Variants in OR2G6 observed in about 807,000 individuals in gnomAD.
OR2G6 encodes olfactory receptor 2G6.
For synonymous variants in OR2G6, 183 were observed against 155.2 expected (o/e 1.18, Z -1.33); for missense variants, 457 against 391.3 (o/e 1.17, Z -1.42).
Position 248,522,192 on chromosome 1 carries a change from A to C in OR2G6, c.546A>C (p.Pro182=), listed in dbSNP as rs760006346. 2 of 1,614,146 alleles carry C rather than the reference A, an allele frequency of 1.2e-6. No individual in the cohort carries two copies. The highest frequency in any genetic ancestry group is 1.7e-6 in the Non-Finnish European group (2 of 1,180,022). ...RTLDHIFCEV[P]VLIKLACVDT... is the part of the protein sequence containing the mutation. ...TGGATCATATTTTCTGTGAGGTGCC[A>C]GTGCTCATCAAACTGGCCTGTGTGG... Residue 182 remains proline, a synonymous_variant, in exon 2 of 2, where the codon CCA becomes CCC. Transcript: ENST00000641804.
Position 248,526,211 on chromosome 1 carries a change from A to G in OR2G6, c.*3614A>G, listed in dbSNP as rs1310900338. 1 of 152,208 alleles carries G rather than the reference A, an allele frequency of 6.6e-6. No homozygotes were observed. The highest frequency in any genetic ancestry group is 2.4e-5 in the African/African-American group (1 of 41,450). The allele number at this position is 152,208 out of a possible 1,614,324, so 9.4% of individuals were successfully genotyped here. A position where few individuals can be genotyped will look rare whatever the true frequency, so the allele number is the denominator to read the frequency against. ...ATCACATTACTAGACTTCAAAATAT[A>G]CTACCAAGTTATAGTTACCAAAACA... On this transcript the variant is annotated 3_prime_UTR_variant, in exon 2 of 2. Transcript: ENST00000641804.
rs1183928597 is a variant in OR2G6 at position 248,525,053 on chromosome 1, ATAC to A, written c.*2459_*2461del. 6.6e-6 allele frequency: 1 copy of A among 151,516 alleles called. No individual in the cohort carries two copies. Among genetic ancestry groups the A allele is most frequent in the East Asian group, 1.9e-4 (1 of 5,202 alleles). The allele number at this position is 151,516 out of a possible 1,614,324, so 9.4% of individuals were successfully genotyped here. On this transcript the variant is annotated 3_prime_UTR_variant, in exon 2 of 2. Coordinates refer to ENST00000641804, the MANE Select transcript of OR2G6 (RefSeq NM_001013355.2). ...ATAATCATCATACATGTATAATTTC[ATAC>A]TATTTTTATTTATAATGTGAGCATT...
In OR2G6 at chr1:248,525,134, T is replaced by C. The variant is rs1406384489; in HGVS notation, c.*2537T>C. ...CATTTATTAAAAATCTTCCCTATAATTGAATAACATGAGTAGTTTCTCTTT... is the reference window on the plus strand; with the variant it reads ...CATTTATTAAAAATCTTCCCTATAACTGAATAACATGAGTAGTTTCTCTTT... On this transcript the variant is annotated 3_prime_UTR_variant, in exon 2 of 2. Coordinates refer to ENST00000641804, the MANE Select transcript of OR2G6 (RefSeq NM_001013355.2). The C allele has an allele frequency of 6.6e-6, 1 of 152,142 alleles. No individual in the cohort carries two copies. Among genetic ancestry groups the C allele is most frequent in the Admixed American group, 6.5e-5 (1 of 15,274 alleles). 9.4% of individuals were successfully genotyped at this position (152,142 alleles called of 1,614,324 possible). A position where few individuals can be genotyped will look rare whatever the true frequency, so the allele number is the denominator to read the frequency against.
At chr1:248,520,267 C>T (rs181673645) in intron 1 of OR2G6, among the ~76,000 whole-genome samples, 1 of 152,008 alleles carries the variant, frequency 6.6e-6, no homozygotes, top group Admixed American at 6.6e-5. Context: ...CACACCAGGG[C>T]CTGTTGGTGG....
In OR2G6 at chr1:248,522,393, C is replaced by T. The variant is rs940294082; in HGVS notation, c.747C>T (p.Ile249=). 6.2e-7 allele frequency: 1 copy of T among 1,614,192 alleles called. No individual in the cohort carries two copies. Among genetic ancestry groups the T allele is most frequent in the Non-Finnish European group, 8.5e-7 (1 of 1,180,024 alleles). The stretch of plus-strand genomic sequence containing the variant: ...GTTCGTCTCACCTGGTTGTGGTCAT[C>T]ATTTTCTATGGGACCATCATATTCA... ...GTCSSHLVVV[I]IFYGTIIFMY... is the part of the protein sequence containing the mutation. Residue 249 remains isoleucine, a synonymous_variant, in exon 2 of 2, where the codon ATC becomes ATT. Coordinates refer to ENST00000641804, the MANE Select transcript of OR2G6 (RefSeq NM_001013355.2).
rs1178343659 is a variant in OR2G6 at position 248,525,391 on chromosome 1, A to G, written c.*2794A>G. The stretch of plus-strand genomic sequence containing the variant: ...AATTATTTAAAAACTATACAATGAG[A>G]ATGCTGTAATAAGTATATGGTTCCA... On this transcript the variant is annotated 3_prime_UTR_variant, in exon 2 of 2. Transcript: ENST00000641804. 6.6e-6 allele frequency: 1 copy of G among 152,180 alleles called. No homozygotes were observed. Among genetic ancestry groups the G allele is most frequent in the African/African-American group, 2.4e-5 (1 of 41,460 alleles). The allele number at this position is 152,180 out of a possible 1,614,324, so 9.4% of individuals were successfully genotyped here. A position where few individuals can be genotyped will look rare whatever the true frequency, so the allele number is the denominator to read the frequency against.
rs1174847938 is a variant in OR2G6, at chr1:248,522,449, A to G, written c.803A>G (p.Lys268Arg). 1 of 1,614,030 alleles carries G rather than the reference A, an allele frequency of 6.2e-7. No individual in the cohort carries two copies. Among genetic ancestry groups the G allele is most frequent in the East Asian group, 2.2e-5 (1 of 44,890 alleles). ...CTTCAACCGGCCAATAGGAGATCCA[A>G]AAACCAGGGAAAGTTTGTTTCTCTT... ...MYLQPANRRS[K>R]NQGKFVSLFY... The change falls in exon 2 of 2, where the codon AAA becomes AGA. Residue 268 changes from lysine (K) to arginine (R), a missense_variant. Physicochemically the swap from Lys to Arg is conservative, Grantham distance 26. Coordinates refer to ENST00000641804, the MANE Select transcript of OR2G6 (RefSeq NM_001013355.2).
chr1:248,526,668 G>GTAAC lies in OR2G6; in HGVS notation c.*4074_*4077dup, dbSNP rs1176733483. ...TGTTCACCATAACCTGATCTCAGTA[G>GTAAC]TAACTATTTAATGATTGCCATTCTA... is the stretch of plus-strand genomic sequence containing the variant. On this transcript the variant is annotated 3_prime_UTR_variant, in exon 2 of 2. Transcript: ENST00000641804. 1 of 151,932 alleles carries GTAAC rather than the reference G, an allele frequency of 6.6e-6. No homozygotes were observed. The highest frequency in any genetic ancestry group is 2.4e-5 in the African/African-American group (1 of 41,428). 9.4% of individuals were successfully genotyped at this position (151,932 alleles called of 1,614,324 possible). A position where few individuals can be genotyped will look rare whatever the true frequency, so the allele number is the denominator to read the frequency against.
At chr1:248,519,446 A>C (rs919124891) in intron 1 of OR2G6, among the ~76,000 whole-genome samples, 5 of 150,394 alleles carry the variant, frequency 3.3e-5, no homozygotes, top group African/African-American at 4.9e-5. Flanking sequence ...GTTTTCTTCT[A>C]GGGTTTTTAT....
At chr1:248,519,353 A>G (rs1184913064) in intron 1 of OR2G6, among the ~76,000 whole-genome samples, 2 of 146,010 alleles carry the variant, frequency 1.4e-5, no homozygotes, top group African/African-American at 5.1e-5. Flanking sequence ...CCATTTGTCA[A>G]CTTTGGCTTT....
At chr1:248,519,899 G>C (rs1186108566) in intron 1 of OR2G6, among the ~76,000 whole-genome samples, 1 of 152,106 alleles carries the variant, frequency 6.6e-6, no homozygotes, top group Non-Finnish European at 1.5e-5. Flanking sequence ...GGATAGCATT[G>C]AATCTATAAC....
At position 248,521,885 on chromosome 1, in the gene OR2G6, A is replaced by G. The variant is rs781235269; in HGVS notation, c.239A>G (p.Gln80Arg). 5.6e-6 allele frequency: 9 copies of G among 1,614,008 alleles called. No individual in the cohort carries two copies. In the Admixed American group the frequency reaches 8.3e-5, roughly 15 times the overall value. The change falls in exon 2 of 2, where the codon CAG becomes CGG. Residue 80 changes from glutamine (Q) to arginine (R), a missense_variant. Gln to Arg is a conservative substitution (Grantham distance 43, BLOSUM62 1). Coordinates refer to ENST00000641804, the MANE Select transcript of OR2G6 (RefSeq NM_001013355.2). ...TGCTTTACCACCAGTGTTGCCCCAC[A>G]GTTGCTGGTTACCATGAATAAGAAA... ...DICFTTSVAP[Q>R]LLVTMNKKDK...
Position 248,523,168 on chromosome 1 carries a change from GGCAA to G in OR2G6, c.*572_*575del, listed in dbSNP as rs1158128098. On this transcript the variant is annotated 3_prime_UTR_variant, in exon 2 of 2. Transcript: ENST00000641804. ...ATATGTATACATATATCTCTAACTA[GGCAA>G]AGCAATGTATATAACAGACTGAAAA... 3.1e-4 allele frequency: 48 copies of G among 153,094 alleles called. No individual in the cohort carries two copies. Among genetic ancestry groups the G allele is most frequent in the African/African-American group, 1.1e-3 (46 of 41,500 alleles). The allele number at this position is 153,094 out of a possible 1,614,324, so 9.5% of individuals were successfully genotyped here.
Position 248,522,633 on chromosome 1 carries a change from A to C in OR2G6, c.*36A>C. ...GAATTCTAAACAAGGGAAACACCTC[A>C]AGGCAGAGTGAGGGTTCATCCTCCC... On this transcript the variant is annotated 3_prime_UTR_variant, in exon 2 of 2. Coordinates refer to ENST00000641804, the MANE Select transcript of OR2G6 (RefSeq NM_001013355.2). 3.2e-4 allele frequency: 442 copies of C among 1,402,288 alleles called. No homozygotes were observed. The highest frequency in any genetic ancestry group is 3.8e-4 in the Non-Finnish European group (392 of 1,022,920). The allele number at this position is 1,402,288 out of a possible 1,614,324, so 86.9% of individuals were successfully genotyped here. A position where few individuals can be genotyped will look rare whatever the true frequency, so the allele number is the denominator to read the frequency against.
At chr1:248,520,584 G>A (rs1664262398) in intron 1 of OR2G6, among the ~76,000 whole-genome samples, 1 of 152,028 alleles carries the variant, frequency 6.6e-6, no homozygotes, top group South Asian at 2.1e-4. Context: ...GTCAAGATTT[G>A]TATAGAGGTC....
intron 1 of OR2G6, among the ~76,000 whole-genome samples, chr1:248,520,556 A>G (rs569145511): frequency 1.3e-5 from 2 of 152,298 alleles, no homozygotes; most frequent in South Asian, 4.1e-4. Flanking sequence ...TCACTTTGAT[A>G]GTAGCTTGTG....
Position 248,522,703 on chromosome 1 carries a change from C to T in OR2G6, c.*106C>T, listed in dbSNP as rs1306737254. 2 of 706,380 alleles carry T rather than the reference C, an allele frequency of 2.8e-6. No individual in the cohort carries two copies. The highest frequency in any genetic ancestry group is 3.6e-5 in the African/African-American group (2 of 55,548). 43.8% of individuals were successfully genotyped at this position (706,380 alleles called of 1,614,324 possible). A position where few individuals can be genotyped will look rare whatever the true frequency, so the allele number is the denominator to read the frequency against. On this transcript the variant is annotated 3_prime_UTR_variant, in exon 2 of 2. Coordinates refer to ENST00000641804, the MANE Select transcript of OR2G6 (RefSeq NM_001013355.2). The stretch of plus-strand genomic sequence containing the variant: ...TCCCAAAGCCACAGGGACTAGGAAG[C>T]ATTGGAATTCTAAAGAAGGGAAACA...
chr1:248,520,873 A>AATAT (rs768316696), intron 1 of OR2G6, among the ~76,000 whole-genome samples: 1,981 of 133,344 alleles, frequency 0.015, 22 homozygotes, highest in Non-Finnish European at 0.023. Flanking sequence ...TATATATAAA[A>AATAT]ATATATATAT....
intron 1 of OR2G6, among the ~76,000 whole-genome samples, chr1:248,521,040 T>TAAAAA (rs56891856): frequency 2.4e-5 from 2 of 83,944 alleles, no homozygotes; most frequent in African/African-American, 4.4e-5. Context: ...AGATTCCATC[T>TAAAAA]AAAAAAAAAA....
Sources: gnomAD v4.1 joint callset for allele counts (sites outside exome capture counted in the v4.1 genomes callset) on GRCh38, gnomAD v4.1.1 for gene constraint, MANE v1.5 for transcripts, NCBI Gene and HGNC (gene_info 2026-07-23, HGNC 2026-07-21) for gene names.